The following PCDH15 variants were observed in gnomAD, a reference collection of about 807,000 sequenced individuals.
PCDH15 encodes protocadherin-15.
Under a neutral mutation model 178.5 loss-of-function variants are expected in PCDH15, and 129 were observed. The ratio of observed to expected loss-of-function variants is 0.72; its 90% CI spans 0.63 to 0.84. The LOEUF is 0.84. Among genes scored for constraint, PCDH15 ranks in the 40% least tolerant of loss-of-function variants. The probability of loss-of-function intolerance (pLI) is 0.00; values close to 1 mark genes in which losing one functional copy is unlikely to be tolerated. For missense variants in PCDH15, 2,230 were observed against 2,099.9 expected, an observed-to-expected ratio of 1.06 and a Z score of -1.21; for synonymous variants, 800 against 732.0, an observed-to-expected ratio of 1.09 and a Z score of -1.50.
At chr10:54,179,241 A>G (rs550601828) in intron 13 of PCDH15, among the ~76,000 whole-genome samples, 63 of 82,926 alleles carry the variant, frequency 7.6e-4, no homozygotes, top group African/African-American at 2.1e-3. Context: ...TGCAGCCATA[A>G]AAAAAGGATA....
intron 2 of PCDH15, among the ~76,000 whole-genome samples, chr10:54,952,548 G>A (rs377644710): frequency 6.6e-6 from 1 of 151,776 alleles, no homozygotes; most frequent in Non-Finnish European, 1.5e-5. Context: ...AATAACTTGG[G>A]ATTTTGATTG....
At chr10:55,236,687 T>C (rs1439740844) in intron 1 of PCDH15, among the ~76,000 whole-genome samples, 3 of 151,946 alleles carry the variant, frequency 2.0e-5, no homozygotes, top group Non-Finnish European at 4.4e-5. Flanking sequence ...AAAGTTGGCG[T>C]TTTCCTATTA....
chr10:54,319,988 T>G (rs2133717810), intron 7 of PCDH15, among the ~76,000 whole-genome samples: 1 of 152,172 alleles, frequency 6.6e-6, no homozygotes, highest in Non-Finnish European at 1.5e-5. Flanking sequence ...TTTGATATTT[T>G]TATACAGTAT....
At chr10:53,872,557 A>T (rs552193194) in intron 26 of PCDH15, among the ~76,000 whole-genome samples, 1 of 152,238 alleles carries the variant, frequency 6.6e-6, no homozygotes, top group East Asian at 1.9e-4. Context: ...CAACACCTGG[A>T]TCTTTCTCCT....
chr10:55,230,139 G>T (rs16907127), intron 1 of PCDH15, among the ~76,000 whole-genome samples: 9,335 of 152,066 alleles, frequency 0.061, 355 homozygotes, highest in Non-Finnish European at 0.09. Context: ...TAAAGTGTAT[G>T]AGAACATTAC....
At chr10:55,350,693 A>G (rs1228304822) in intron 2 of PCDH15, among the ~76,000 whole-genome samples, 2 of 152,234 alleles carry the variant, frequency 1.3e-5, no homozygotes, top group African/African-American at 4.8e-5. Flanking sequence ...AAGGATTTTC[A>G]CTGATAATTT....
intron 1 of PCDH15, among the ~76,000 whole-genome samples, chr10:54,784,651 T>A (rs1394734044): frequency 6.7e-6 from 1 of 149,826 alleles, no homozygotes; most frequent in Non-Finnish European, 1.5e-5. Context: ...TCTAACATCA[T>A]GAAATCATGC....
At chr10:53,809,555 T>G (rs935660350) in intron 37 of PCDH15, 1 of 1,604,974 alleles carries the variant, frequency 6.2e-7, no homozygotes, top group African/African-American at 1.3e-5. Flanking sequence ...TCCTGAAAAT[T>G]GTGAAAATGC....
intron 2 of PCDH15, among the ~76,000 whole-genome samples, chr10:55,140,691 A>T (rs1838327256): frequency 6.6e-6 from 1 of 152,098 alleles, no homozygotes; most frequent in African/African-American, 2.4e-5. Context: ...AATTGATATC[A>T]ATTCTTTTTT....
At chr10:54,109,864 T>A (rs960289791) in intron 15 of PCDH15, among the ~76,000 whole-genome samples, 1 of 152,210 alleles carries the variant, frequency 6.6e-6, no homozygotes, top group African/African-American at 2.4e-5. Flanking sequence ...TTTTGTAACA[T>A]AAAGGATAGA....
At chr10:55,052,641 G>A (rs1841195262) in intron 2 of PCDH15, among the ~76,000 whole-genome samples, 2 of 150,900 alleles carry the variant, frequency 1.3e-5, no homozygotes, top group South Asian at 4.2e-4. Context: ...GCTGGAACCC[G>A]GGAGGCGGAG....
chr10:55,121,361 G>GC (rs569435797), intron 2 of PCDH15, among the ~76,000 whole-genome samples: 13 of 150,742 alleles, frequency 8.6e-5, no homozygotes, highest in South Asian at 2.1e-4. Flanking sequence ...TCAGAGCTGG[G>GC]GGGGGGCAAT....
In PCDH15 at chr10:53,943,500, AC is replaced by A. The variant is rs202086764; in HGVS notation, c.3123-2526del. On this transcript the variant is annotated intron_variant, in intron 23 of 37. Coordinates refer to ENST00000644397, the MANE Select transcript of PCDH15 (RefSeq NM_001384140.1). ...CAAAAAAACAAAAACAAACAAACAA[AC>A]AAAAAAAACAAAACAGAAAAGAAAA... 3.1e-3 allele frequency among the ~76,000 whole-genome samples: 458 copies of A among 148,602 alleles called. 4 individuals are homozygous for A. The highest frequency in any genetic ancestry group is 9.7e-3 in the African/African-American group (387 of 39,868).
intron 28 of PCDH15, among the ~76,000 whole-genome samples, chr10:53,846,623 C>G (rs556755382): frequency 6.6e-6 from 1 of 151,768 alleles, no homozygotes; most frequent in African/African-American, 2.4e-5. Flanking sequence ...ATTCTTGAAC[C>G]AAGTTATTTT....
intron 26 of PCDH15, among the ~76,000 whole-genome samples, chr10:53,893,322 GTGA>G (rs2081713267): frequency 6.6e-6 from 1 of 152,180 alleles, no homozygotes; most frequent in South Asian, 2.1e-4. Context: ...GAAGTCCAGG[GTGA>G]TGTTATTCTG....
At position 53,905,676 on chromosome 10, in the gene PCDH15, A is replaced by ATATT. The variant is rs1250324877; in HGVS notation, c.3374-2307_3374-2306insAATA. Among the ~76,000 whole-genome samples, 4 of 152,238 alleles carry ATATT rather than the reference A, an allele frequency of 2.6e-5. No homozygotes were observed. The East Asian group carries it at 7.7e-4, about 29-fold the overall frequency. Reference sequence around the variant, plus strand: ...ATACCATGTGTATATTCATATCCATACTTATATGTATACTTTGTGCATATA... The same window carrying ATATT: ...ATACCATGTGTATATTCATATCCATATATTCTTATATGTATACTTTGTGCATATA... On this transcript the variant is annotated intron_variant, in intron 25 of 37. Coordinates refer to ENST00000644397, the MANE Select transcript of PCDH15 (RefSeq NM_001384140.1).
chr10:54,976,298 G>A (rs1432415383), intron 2 of PCDH15, among the ~76,000 whole-genome samples: 1 of 152,088 alleles, frequency 6.6e-6, no homozygotes, highest in East Asian at 1.9e-4. Context: ...GTTTCTTCCT[G>A]CCTGCTGCAC....
At chr10:53,903,393 T>C in intron 25 of PCDH15, 23 bp from the exon 26 acceptor site, 1 of 1,610,494 alleles carries the variant, frequency 6.2e-7, no homozygotes, top group South Asian at 1.1e-5. Context: ...AAACGATGCA[T>C]TTTTTATTGG....
chr10:55,565,195 A>G (rs1345725717), intron 2 of PCDH15, among the ~76,000 whole-genome samples: 3 of 151,734 alleles, frequency 2.0e-5, no homozygotes, highest in Admixed American at 1.3e-4. Flanking sequence ...AACAAAAGAA[A>G]AAGTGGAAAA....
Sources: allele counts gnomAD v4.1 joint callset (sites outside exome capture counted in the v4.1 genomes callset), GRCh38; gene constraint gnomAD v4.1.1; transcripts MANE v1.5; gene names NCBI Gene and HGNC (gene_info 2026-07-23, HGNC 2026-07-21).